Variants in LAMC3 observed in about 807,000 individuals in gnomAD.
LAMC3 encodes laminin subunit gamma 3.
A neutral mutation model predicts 173.8 loss-of-function variants in LAMC3; 128 were observed. The ratio of observed to expected loss-of-function variants is 0.74; its 90% CI spans 0.64 to 0.85. The LOEUF is 0.85. Among genes scored for constraint, LAMC3 ranks in the 40% least tolerant of loss-of-function variants. LAMC3 has a pLI of 0.00. For missense variants in LAMC3, 2,022 were observed against 2,156.0 expected (o/e 0.94, Z 1.23); for synonymous variants, 897 against 909.1 (o/e 0.99, Z 0.24).
rs1335699303 is a variant in LAMC3 at position 131,077,310 on chromosome 9, C to T, written c.3753C>T (p.Ala1251=). 3.7e-6 allele frequency: 6 copies of T among 1,614,042 alleles called. No homozygotes were observed. Among genetic ancestry groups the T allele is most frequent in the Non-Finnish European group, 5.1e-6 (6 of 1,180,040 alleles). Residue 1251 remains alanine (A), a synonymous_variant, in exon 22 of 28, where the codon GCC becomes GCT. Transcript: ENST00000361069. ...QVGADTAPYL[A]LLASPGALPQ... ...GCGCAGATACAGCCCCGTACCTGGC[C>T]TTGCTGGCTTCCCCGGGAGCTCTGG...
At chr9:131,063,974 C>T (rs1424705878) in intron 13 of LAMC3, among the ~76,000 whole-genome samples, 3 of 152,132 alleles carry the variant, frequency 2.0e-5, no homozygotes, top group Non-Finnish European at 2.9e-5. Context: ...GTGGCATGAT[C>T]TCAGCTCACT....
chr9:131,045,797 T>C (rs1588149279), intron 8 of LAMC3, 137 bp downstream of exon 8: 2 of 1,134,374 alleles, frequency 1.8e-6, no homozygotes, highest in Non-Finnish European at 2.6e-6. Flanking sequence ...CTAGGTGGGG[T>C]CGGGGGTGAG....
rs750155228 is a variant in LAMC3, at chr9:131,052,924, C to G, written c.1898C>G (p.Thr633Ser). The G allele has an allele frequency of 2.5e-6, 4 of 1,613,842 alleles. No homozygotes were observed. The highest frequency in any genetic ancestry group is 3.4e-6 in the Non-Finnish European group (4 of 1,180,024). The change falls in exon 11 of 28, where the codon ACC becomes AGC. Residue 633 changes from threonine to serine, a missense_variant. Physicochemically the swap from Thr to Ser is moderately conservative, Grantham distance 58. Coordinates refer to ENST00000361069, the MANE Select transcript of LAMC3 (RefSeq NM_006059.4). ...FHFQRLLANL[T>S]SLRLRVSPGP... is the part of the protein sequence containing the mutation. ...TTCCAGCGGCTCCTCGCCAACCTGACCAGCCTCCGCCTCCGCGTCAGTCCC... is the reference window on the plus strand; with the variant it reads ...TTCCAGCGGCTCCTCGCCAACCTGAGCAGCCTCCGCCTCCGCGTCAGTCCC...
chr9:131,088,403 C>G (rs923070367), intron 27 of LAMC3, among the ~76,000 whole-genome samples: 1 of 151,924 alleles, frequency 6.6e-6, no homozygotes, highest in Non-Finnish European at 1.5e-5. Context: ...AATAGCGGCT[C>G]GTAGGAAGGA....
rs1241141672 is a variant in LAMC3 at position 131,055,550 on chromosome 9, G to A, written c.1940-1379G>A. On this transcript the variant is annotated intron_variant, in intron 11 of 27. Transcript: ENST00000361069. ...TGTCATCCTCCTGCCTCAGCCTCCC[G>A]AGTAGCTAGGACTACAGGCGCCCGC... Among the ~76,000 whole-genome samples the A allele has an allele frequency of 3.5e-5, 5 of 144,524 alleles. No individual in the cohort carries two copies. In the East Asian group the frequency reaches 6.3e-4, roughly 18 times the overall value. The allele number at this position is 144,524 out of a possible 152,430, so 94.8% of individuals were successfully genotyped here.
intron 24 of LAMC3, 142 bp from the exon 25 acceptor site, chr9:131,085,382 G>A (rs1830311031): frequency 3.8e-6 from 3 of 783,546 alleles, no homozygotes; most frequent in Non-Finnish European, 4.5e-6. Flanking sequence ...CTGAGAAGGC[G>A]ATATGCACGT....
chr9:131,065,426 A>T (rs1829913629), intron 13 of LAMC3, among the ~76,000 whole-genome samples: 1 of 152,202 alleles, frequency 6.6e-6, no homozygotes, highest in South Asian at 2.1e-4. Context: ...GAAACAGAAA[A>T]GGTAAAGGGG....
At chr9:131,073,750 A>G (rs1830076653) in intron 20 of LAMC3, among the ~76,000 whole-genome samples, 1 of 151,926 alleles carries the variant, frequency 6.6e-6, no homozygotes, top group East Asian at 1.9e-4. Context: ...TCATCATCCC[A>G]AAAACAAACC....
chr9:131,088,795 C>T (rs1830372255), intron 27 of LAMC3, among the ~76,000 whole-genome samples: 1 of 152,028 alleles, frequency 6.6e-6, no homozygotes, highest in African/African-American at 2.4e-5. Context: ...AATTTGACTA[C>T]TCTGGGCCAG....
intron 3 of LAMC3, 52 bp from the exon 4 acceptor site, chr9:131,036,114 T>A: frequency 6.2e-7 from 1 of 1,600,450 alleles, no homozygotes; most frequent in South Asian, 1.1e-5. Flanking sequence ...TAACTCCTTG[T>A]CTGCCCTGCC....
At chr9:131,053,197 G>A (rs1834333591) in intron 11 of LAMC3, among the ~76,000 whole-genome samples, 1 of 152,228 alleles carries the variant, frequency 6.6e-6, no homozygotes, top group South Asian at 2.1e-4. Flanking sequence ...CAGGAGAGAG[G>A]CCTGAAGGAT....
Position 131,039,153 on chromosome 9 carries a change from T to C in LAMC3, c.1188T>C (p.Asp396=), listed in dbSNP as rs779526172. 5.6e-6 allele frequency: 9 copies of C among 1,611,240 alleles called. No homozygotes were observed. The highest frequency in any genetic ancestry group is 7.6e-6 in the Non-Finnish European group (9 of 1,180,024). The part of the protein sequence containing the change: ...QSAGSLHLQC[D]DTGTCACKPT... ...CAGGCTCCCTACACCTCCAGTGCGA[T>C]GACACAGGCACCTGCGCCTGCAAGC... Residue 396 remains aspartate, a synonymous_variant, in exon 6 of 28, where the codon GAT becomes GAC. Transcript: ENST00000361069.
intron 2 of LAMC3, among the ~76,000 whole-genome samples, chr9:131,030,912 A>G (rs141329401): frequency 7.9e-4 from 121 of 152,338 alleles, no homozygotes; most frequent in African/African-American, 2.5e-3. Context: ...GCTGCACTTT[A>G]ACCAGATCCC....
At chr9:131,028,556 C>T (rs1159752572) in intron 2 of LAMC3, among the ~76,000 whole-genome samples, 3 of 152,224 alleles carry the variant, frequency 2.0e-5, no homozygotes, top group African/African-American at 7.2e-5. Context: ...TCCCCAGGAC[C>T]ACCCTTGGGT....
intron 27 of LAMC3, among the ~76,000 whole-genome samples, chr9:131,088,728 C>A (rs535468096): frequency 6.6e-6 from 1 of 152,212 alleles, no homozygotes; most frequent in South Asian, 2.1e-4. Flanking sequence ...GAAACACTAA[C>A]CCCCCATTTC....
chr9:131,086,337 C>T (rs1220812035), intron 25 of LAMC3, among the ~76,000 whole-genome samples: 2 of 151,770 alleles, frequency 1.3e-5, no homozygotes, highest in Admixed American at 1.3e-4. Flanking sequence ...CTTGGCCTCC[C>T]AAAGTGCTGG....
At chr9:131,091,296 C>T (rs572089125) in intron 27 of LAMC3, among the ~76,000 whole-genome samples, 3 of 152,356 alleles carry the variant, frequency 2.0e-5, no homozygotes, top group African/African-American at 7.2e-5. Context: ...AAACCATCAA[C>T]AAAAATGACA....
intron 1 of LAMC3, among the ~76,000 whole-genome samples, chr9:131,020,653 A>G (rs572523838): frequency 1.3e-5 from 2 of 152,310 alleles, no homozygotes; most frequent in African/African-American, 4.8e-5. Context: ...ATTCCAGACC[A>G]TTGCATAAGT....
intron 1 of LAMC3, among the ~76,000 whole-genome samples, chr9:131,016,207 C>T (rs1287532161): frequency 6.6e-6 from 1 of 152,088 alleles, no homozygotes; most frequent in East Asian, 1.9e-4. Context: ...ATAGTCAAGT[C>T]CACAGAGACA....
Sources: gnomAD v4.1 joint callset for allele counts (sites outside exome capture counted in the v4.1 genomes callset) on GRCh38, gnomAD v4.1.1 for gene constraint, MANE v1.5 for transcripts, NCBI Gene and HGNC (gene_info 2026-07-23, HGNC 2026-07-21) for gene names.